Variants in CERS6 observed in about 807,000 individuals in gnomAD.
CERS6 encodes the protein ceramide synthase 6.
In CERS6, 26 loss-of-function variants were observed where a neutral mutation model predicts 56.8. That is an observed-to-expected ratio of 0.46 (90% CI 0.34 to 0.63). CERS6 has a LOEUF of 0.63. Ranked by LOEUF, CERS6 falls within the 30% of genes least tolerant of loss-of-function variation. The pLI is 0.01. For synonymous variants in CERS6, 164 were observed against 173.3 expected (o/e 0.95, Z 0.42); for missense variants, 415 against 467.5 (o/e 0.89, Z 1.04).
intron 8 of CERS6, among the ~76,000 whole-genome samples, chr2:168,719,016 T>C (rs1301774724): frequency 7.9e-5 from 12 of 152,240 alleles, no homozygotes; most frequent in Admixed American, 2.0e-4. Context: ...CTTACCAGTC[T>C]AGAATATCCA....
chr2:168,662,127 C>CTTTT (rs71397658), intron 4 of CERS6, among the ~76,000 whole-genome samples: 1,619 of 136,778 alleles, frequency 0.012, 22 homozygotes, highest in Non-Finnish European at 0.018. Flanking sequence ...AAGGCTGTCT[C>CTTTT]TTTTTTTTTT....
intron 8 of CERS6, 87 bp from the exon 9 acceptor site, chr2:168,765,505 G>C: frequency 7.3e-7 from 1 of 1,366,600 alleles, no homozygotes; most frequent in Non-Finnish European, 9.9e-7. Flanking sequence ...AGATATTGTT[G>C]ACCTTGTGCT....
At chr2:168,680,050 A>G in intron 4 of CERS6, among the ~76,000 whole-genome samples, 1 of 152,204 alleles carries the variant, frequency 6.6e-6, no homozygotes, top group East Asian at 1.9e-4. Flanking sequence ...AAGAGTCTGG[A>G]GTTCTGTGGA....
In CERS6 at chr2:168,752,918, T is replaced by C. The variant is rs564660400; in HGVS notation, c.846-12674T>C. Among the ~76,000 whole-genome samples, 10 of 152,340 alleles carry C rather than the reference T, an allele frequency of 6.6e-5. No homozygotes were observed. The East Asian group carries it at 1.7e-3, about 26-fold the overall frequency. ...CCTTTCCTTTGGTTTTGCTCGTTGT[T>C]AGGTTAAAAATCAGAGAAACAATGA... is the stretch of plus-strand genomic sequence containing the variant. On this transcript the variant is annotated intron_variant, in intron 8 of 9. Coordinates refer to ENST00000305747, the MANE Select transcript of CERS6 (RefSeq NM_203463.3).
chr2:168,697,618 C>T (rs1686688977), intron 6 of CERS6, among the ~76,000 whole-genome samples: 1 of 150,562 alleles, frequency 6.6e-6, no homozygotes, highest in Non-Finnish European at 1.5e-5. Flanking sequence ...TTTCTCAAGG[C>T]CATGCAATAT....
chr2:168,541,871 A>G (rs866980711), intron 1 of CERS6, among the ~76,000 whole-genome samples: 3 of 152,208 alleles, frequency 2.0e-5, no homozygotes, highest in South Asian at 2.1e-4. Flanking sequence ...TGTCTCTTCT[A>G]TAGTTCTCTA....
chr2:168,719,219 C>A (rs1687300174), intron 8 of CERS6, among the ~76,000 whole-genome samples: 1 of 152,088 alleles, frequency 6.6e-6, no homozygotes, highest in African/African-American at 2.4e-5. Context: ...CCTACAGGTC[C>A]TTTTAATATT....
At chr2:168,544,974 G>T (rs918265369) in intron 1 of CERS6, among the ~76,000 whole-genome samples, 5 of 151,780 alleles carry the variant, frequency 3.3e-5, no homozygotes, top group South Asian at 4.2e-4. Flanking sequence ...CTGGTGAGCC[G>T]CTGGGCCCAG....
chr2:168,571,355 A>G (rs1006558344), intron 3 of CERS6, among the ~76,000 whole-genome samples: 1 of 152,004 alleles, frequency 6.6e-6, no homozygotes, highest in African/African-American at 2.4e-5. Flanking sequence ...AACCATTACT[A>G]ATTTGTCTAT....
chr2:168,503,299 G>A (rs1453232718), intron 1 of CERS6, among the ~76,000 whole-genome samples: 3 of 152,058 alleles, frequency 2.0e-5, no homozygotes, highest in South Asian at 2.1e-4. Context: ...GTTCTTTATC[G>A]CAGTGTGAAA....
chr2:168,766,624 G>A (rs556181506), intron 9 of CERS6, among the ~76,000 whole-genome samples: 1 of 152,318 alleles, frequency 6.6e-6, no homozygotes, highest in East Asian at 1.9e-4. Context: ...TGGTGTGAAA[G>A]CTTGCCAGGT....
intron 8 of CERS6, among the ~76,000 whole-genome samples, chr2:168,744,076 G>A (rs1420378902): frequency 7.0e-6 from 1 of 143,434 alleles, no homozygotes; most frequent in Non-Finnish European, 1.5e-5. Flanking sequence ...CGGGATCTGG[G>A]CTCACTGCAA....
intron 6 of CERS6, among the ~76,000 whole-genome samples, chr2:168,714,160 A>T (rs1369020488): frequency 6.6e-6 from 1 of 152,178 alleles, no homozygotes; most frequent in East Asian, 1.9e-4. Context: ...CCCTTTTACA[A>T]GGGCACTAAC....
At chr2:168,527,321 C>G (rs1313817269) in intron 1 of CERS6, among the ~76,000 whole-genome samples, 1 of 152,204 alleles carries the variant, frequency 6.6e-6, no homozygotes, top group Non-Finnish European at 1.5e-5. Flanking sequence ...TTGTTATTAA[C>G]ATCTGCCAGC....
At chr2:168,641,873 G>T (rs1209847891) in intron 4 of CERS6, among the ~76,000 whole-genome samples, 1 of 140,984 alleles carries the variant, frequency 7.1e-6, no homozygotes, top group Non-Finnish European at 1.5e-5. Flanking sequence ...CAAATAGATG[G>T]TTCATACTTG....
chr2:168,691,071 A>G lies in CERS6; in HGVS notation c.503A>G (p.Asn168Ser), dbSNP rs1304459960. The G allele has an allele frequency of 6.2e-7, 1 of 1,613,264 alleles. No homozygotes were observed. The highest frequency in any genetic ancestry group is 8.5e-7 in the Non-Finnish European group (1 of 1,179,378). Residue 168 changes from asparagine to serine, a missense_variant, in exon 5 of 10, where the codon AAC becomes AGC. Transcript: ENST00000305747. Reference sequence around the variant, plus strand: ...TGGAATACGAGGCATTGCTGGTACAACTACCCCTATCAGGTAAGGAGGCAT... The same window carrying G: ...TGGAATACGAGGCATTGCTGGTACAGCTACCCCTATCAGGTAAGGAGGCAT... ...WLWNTRHCWY[N>S]YPYQPLTTDL...
In CERS6 at chr2:168,525,643, G is replaced by GC. The variant is rs533250186; in HGVS notation, c.171-21950dup. ...AGGGTATTCAAAGTCCTATACAACGGCCCGAGCCCCTGTGAAATGATTTTA... is the reference window on the plus strand; with the variant it reads ...AGGGTATTCAAAGTCCTATACAACGGCCCCGAGCCCCTGTGAAATGATTTTA... On this transcript the variant is annotated intron_variant, in intron 1 of 9. Transcript: ENST00000305747. 3.9e-5 allele frequency among the ~76,000 whole-genome samples: 6 copies of GC among 152,272 alleles called. No individual in the cohort carries two copies. In the East Asian group the frequency reaches 1.2e-3, roughly 29 times the overall value.
chr2:168,544,116 C>T (rs531814881), intron 1 of CERS6, among the ~76,000 whole-genome samples: 22 of 152,310 alleles, frequency 1.4e-4, no homozygotes, highest in African/African-American at 5.1e-4. Context: ...ATGATTTATG[C>T]ACATACCTAC....
intron 3 of CERS6, among the ~76,000 whole-genome samples, chr2:168,566,372 C>G (rs574373956): frequency 7.9e-5 from 12 of 152,266 alleles, no homozygotes; most frequent in African/African-American, 2.2e-4. Context: ...TTAAAACTTT[C>G]CCCCAATGCT....
Sources: gnomAD v4.1 joint callset for allele counts (sites outside exome capture counted in the v4.1 genomes callset) on GRCh38, gnomAD v4.1.1 for gene constraint, MANE v1.5 for transcripts, NCBI Gene and HGNC (gene_info 2026-07-23, HGNC 2026-07-21) for gene names.